THAP7: variants seen among roughly 807,000 people sequenced by gnomAD.
THAP7 encodes the protein THAP domain containing 7, also known as THAP domain-containing protein 7.
A neutral mutation model predicts 29.2 loss-of-function variants in THAP7; 22 were observed. That is an observed-to-expected ratio of 0.75 (90% CI 0.54 to 1.08). The LOEUF is 1.08. Ranked by LOEUF, THAP7 falls within the 50% of genes least tolerant of loss-of-function variation. THAP7 has a pLI of 0.00. For synonymous variants in THAP7, 208 were observed against 173.4 expected (o/e 1.20, Z -1.57); for missense variants, 448 against 416.2 (o/e 1.08, Z -0.66).
intron 1 of THAP7, 192 bp downstream of exon 1, chr22:21,001,640 G>C: frequency 1.1e-6 from 1 of 898,878 alleles, no homozygotes; most frequent in Non-Finnish European, 1.6e-6. Context: ...GCGGGTCCAA[G>C]CCGGCTAGAC....
chr22:21,000,464 T>C (rs891927740), intron 3 of THAP7, 32 bp from the exon 4 acceptor site: 1 of 1,540,652 alleles, frequency 6.5e-7, no homozygotes, highest in African/African-American at 1.4e-5. Flanking sequence ...ACTGATGGGC[T>C]AGGCTGAGGG....
chr22:21,001,610 C>A, intron 1 of THAP7, 199 bp from the exon 2 acceptor site: 1 of 930,006 alleles, frequency 1.1e-6, no homozygotes, highest in Non-Finnish European at 1.6e-6. Context: ...TCAGCGTCAT[C>A]TGGCAGGTAA....
chr22:21,001,763 G>T, intron 1 of THAP7, 69 bp downstream of exon 1: 1 of 1,463,708 alleles, frequency 6.8e-7, no homozygotes, highest in Non-Finnish European at 9.2e-7. Flanking sequence ...AAGCCTCTAC[G>T]CAGTTGCGAC....
intron 1 of THAP7, 98 bp from the exon 2 acceptor site, chr22:21,001,509 G>T: frequency 6.7e-7 from 1 of 1,496,904 alleles, no homozygotes; most frequent in Non-Finnish European, 8.9e-7. Flanking sequence ...AACACGCGCC[G>T]CCACGAGACC....
chr22:20,999,728 T>G lies in THAP7; in HGVS notation c.*152A>C. 1.1e-6 allele frequency: 1 copy of G among 875,574 alleles called. No homozygotes were observed. Among genetic ancestry groups the G allele is most frequent in the South Asian group, 1.8e-5 (1 of 56,334 alleles). 54.2% of individuals were successfully genotyped at this position (875,574 alleles called of 1,614,324 possible). On this transcript the variant is annotated 3_prime_UTR_variant, in exon 4 of 4. Transcript: ENST00000215742. Reference sequence around the variant, plus strand: ...CCACTGTCTGGGGCAGCAAGCTTAGTACTCAGAGGGGCTCCAGCCCCCAGC... The same window carrying G: ...CCACTGTCTGGGGCAGCAAGCTTAGGACTCAGAGGGGCTCCAGCCCCCAGC...
At chr22:21,001,730 C>G in intron 1 of THAP7, 102 bp downstream of exon 1, 1 of 1,276,152 alleles carries the variant, frequency 7.8e-7, no homozygotes, top group South Asian at 1.4e-5. Flanking sequence ...GTTCAAGCCT[C>G]CTCAGTATCT....
Position 20,999,832 on chromosome 22 carries a change from A to G in THAP7, c.*48T>C, listed in dbSNP as rs988028356. The stretch of plus-strand genomic sequence containing the variant: ...GGGTCTGGTGGGATCTGAGGGAGGA[A>G]GAGGCTGCAGTCTTGCTGGGCAGCC... On this transcript the variant is annotated 3_prime_UTR_variant, in exon 4 of 4. Transcript: ENST00000215742. 2 of 1,551,036 alleles carry G rather than the reference A, an allele frequency of 1.3e-6. No homozygotes were observed. The highest frequency in any genetic ancestry group is 1.7e-6 in the Non-Finnish European group (2 of 1,153,460).
At position 21,000,872 on chromosome 22, in the gene THAP7, TGCTGGAAG is replaced by T. The variant is rs960804298; in HGVS notation, c.237-93_237-86del. On this transcript the variant is annotated intron_variant, in intron 2 of 3. Coordinates refer to ENST00000215742, the MANE Select transcript of THAP7 (RefSeq NM_030573.3). ...TGCCCCCAGCAGCAGCGCCGTGGGATGCTGGAAGGCATCGTGCAAACAATACGTCTGGG... is the reference window on the plus strand; with the variant it reads ...TGCCCCCAGCAGCAGCGCCGTGGGATGCATCGTGCAAACAATACGTCTGGG... The T allele has an allele frequency of 1.2e-5, 19 of 1,585,202 alleles. No homozygotes were observed. The African/African-American group carries it at 2.1e-4, about 18-fold the overall frequency.
At position 21,001,249 on chromosome 22, in the gene THAP7, G is replaced by A; in HGVS notation, c.236+7C>T. ...CTACCCCAGCGTCGGCCGGCAGGGA[G>A]GCCCACCTGATTCCCACCAGCTCAA... On this transcript the variant is annotated splice_region_variant and intron_variant, in intron 2 of 3. Coordinates refer to ENST00000215742, the MANE Select transcript of THAP7 (RefSeq NM_030573.3). 1 of 1,610,944 alleles carries A rather than the reference G, an allele frequency of 6.2e-7. No homozygotes were observed. The highest frequency in any genetic ancestry group is 1.1e-5 in the South Asian group (1 of 90,930).
rs115416375 is a variant in THAP7, at chr22:21,000,198, G to C, written c.612C>G (p.Leu204=). 1,936 of 1,559,558 alleles carry C rather than the reference G, an allele frequency of 1.2e-3. 36 individuals carry two copies. The African/African-American group carries it at 0.024, about 19-fold the overall frequency. Residue 204 remains leucine (L), a synonymous_variant, in exon 4 of 4, where the codon CTC becomes CTG. Transcript: ENST00000215742. ...QPSPERQPSP[L]EPRPVSPSAY... ...CTGAGGGGGAGACTGGCCGTGGTTC[G>C]AGAGGGGAGGGCTGCCGCTCTGGTG...
At chr22:21,001,742 A>G in intron 1 of THAP7, 90 bp downstream of exon 1, 1 of 1,367,850 alleles carries the variant, frequency 7.3e-7, no homozygotes, top group Non-Finnish European at 9.9e-7. Context: ...TCAGTATCTG[A>G]GAAAGGCGCG....
In THAP7 at chr22:21,001,311, T is replaced by C. The variant is rs767988933; in HGVS notation, c.181A>G (p.Ile61Val). The C allele has an allele frequency of 6.2e-7, 1 of 1,614,130 alleles. No individual in the cohort carries two copies. Among genetic ancestry groups the C allele is most frequent in the Admixed American group, 1.7e-5 (1 of 60,032 alleles). Residue 61 changes from isoleucine to valine, a missense_variant, in exon 2 of 4, where the codon ATC becomes GTC. Ile to Val is a conservative substitution (Grantham distance 29, BLOSUM62 3). Coordinates refer to ENST00000215742, the MANE Select transcript of THAP7 (RefSeq NM_030573.3). ...QGLWDPASEY[I>V]YFCSKHFEED... The stretch of plus-strand genomic sequence containing the variant: ...TCAAAGTGTTTGGAGCAGAAGTAGA[T>C]GTACTCGGATGCCGGGTCCCACAGG...
In THAP7 at chr22:21,001,817, C is replaced by T; in HGVS notation, c.80+15G>A. 6.5e-7 allele frequency: 1 copy of T among 1,545,500 alleles called. No individual in the cohort carries two copies. The highest frequency in any genetic ancestry group is 8.7e-7 in the Non-Finnish European group (1 of 1,147,022). On this transcript the variant is annotated intron_variant, in intron 1 of 3. Transcript: ENST00000215742. The stretch of plus-strand genomic sequence containing the variant: ...AGCGCATGCGCACGTGAGCCCGCGG[C>T]GCACGCGCGCTGACCTGTGGAAGGA...
In THAP7 at chr22:21,001,571, C is replaced by G. The variant is rs766522351; in HGVS notation, c.81-160G>C. Reference sequence around the variant, plus strand: ...CACCGCCCGGGCACAGACGAGGCAACGGAGGCCTCGAGAAGAAAAGCAGTT... The same window carrying G: ...CACCGCCCGGGCACAGACGAGGCAAGGGAGGCCTCGAGAAGAAAAGCAGTT... On this transcript the variant is annotated intron_variant, in intron 1 of 3. Transcript: ENST00000215742. 1.8e-4 allele frequency: 211 copies of G among 1,145,348 alleles called. 1 individual carries two copies. The highest frequency in any genetic ancestry group is 2.4e-4 in the Non-Finnish European group (201 of 823,900). 70.9% of individuals were successfully genotyped at this position (1,145,348 alleles called of 1,614,324 possible). A position where few individuals can be genotyped will look rare whatever the true frequency, so the allele number is the denominator to read the frequency against.
At chr22:21,000,983 G>T in intron 2 of THAP7, 196 bp from the exon 3 acceptor site, 1 of 922,520 alleles carries the variant, frequency 1.1e-6, no homozygotes, top group Non-Finnish European at 1.6e-6. Context: ...GCCTGCATAA[G>T]CCGAGCTGGG....
rs1925030211 is a variant in THAP7, at chr22:20,999,650, G to A, written c.*230C>T. 5.2e-6 allele frequency: 3 copies of A among 576,238 alleles called. No individual in the cohort carries two copies. In the South Asian group the frequency reaches 6.6e-5, roughly 13 times the overall value. 35.7% of individuals were successfully genotyped at this position (576,238 alleles called of 1,614,324 possible). A position where few individuals can be genotyped will look rare whatever the true frequency, so the allele number is the denominator to read the frequency against. On this transcript the variant is annotated 3_prime_UTR_variant, in exon 4 of 4. Coordinates refer to ENST00000215742, the MANE Select transcript of THAP7 (RefSeq NM_030573.3). ...AGTAGCTCTGAGGGGTGAGAGCCAGGCTCCCTGTTCTCCTTGGCAAAGAGC... is the reference window on the plus strand; with the variant it reads ...AGTAGCTCTGAGGGGTGAGAGCCAGACTCCCTGTTCTCCTTGGCAAAGAGC...
chr22:21,001,880 C>G lies in THAP7; in HGVS notation c.32G>C (p.Cys11Ser). Reference protein sequence around the residue: MPRHCSAAGCCTRDTRETRNR... With the variant: MPRHCSAAGCSTRDTRETRNR... ...GCGCGTCTCGCGCGTGTCCCGTGTG[C>G]AGCAGCCGGCGGCGGAGCAGTGACG... Residue 11 changes from cysteine (C) to serine (S), a missense_variant, in exon 1 of 4, where the codon TGC (cysteine) becomes TCC (serine). Transcript: ENST00000215742. The G allele has an allele frequency of 6.4e-7, 1 of 1,572,960 alleles. No homozygotes were observed. Among genetic ancestry groups the G allele is most frequent in the Non-Finnish European group, 8.6e-7 (1 of 1,160,750 alleles).
At chr22:21,001,555 G>A in intron 1 of THAP7, 144 bp from the exon 2 acceptor site, 2 of 1,298,142 alleles carry the variant, frequency 1.5e-6, no homozygotes, top group South Asian at 1.4e-5. Context: ...CCACCGCCCG[G>A]GCACAGACGA....
At chr22:21,001,082 C>T in intron 2 of THAP7, 174 bp downstream of exon 2, 1 of 1,003,886 alleles carries the variant, frequency 1.0e-6, no homozygotes, top group Non-Finnish European at 1.5e-6. Context: ...CTCCTGTTTT[C>T]CCCTTGTGTC....
Sources: allele counts gnomAD v4.1 joint callset, GRCh38; gene constraint gnomAD v4.1.1; transcripts MANE v1.5; gene names NCBI Gene and HGNC (gene_info 2026-07-23, HGNC 2026-07-21).